Variants in C8orf34 observed in about 807,000 individuals in gnomAD.
C8orf34 encodes the protein uncharacterized protein C8orf34.
In C8orf34, 65 loss-of-function variants were observed where a neutral mutation model predicts 68.3. That is an observed-to-expected ratio of 0.95 (90% CI 0.78 to 1.17). C8orf34 has a LOEUF of 1.17. Ranked by LOEUF, C8orf34 falls within the 50% of genes most tolerant of loss-of-function variation. C8orf34 has a pLI of 0.00. For synonymous variants in C8orf34, 244 were observed against 241.2 expected (o/e 1.01, Z -0.11); for missense variants, 664 against 655.4 (o/e 1.01, Z -0.14).
At chr8:68,542,546 T>C (rs947887055) in intron 7 of C8orf34, among the ~76,000 whole-genome samples, 4 of 152,164 alleles carry the variant, frequency 2.6e-5, no homozygotes, top group African/African-American at 7.2e-5. Context: ...GCATCTTTTA[T>C]AGAAAGTAGT....
rs1195412158 is a variant in C8orf34, at chr8:68,417,728, G to C, written c.328-21771G>C. Among the ~76,000 whole-genome samples the C allele has an allele frequency of 2.6e-5, 4 of 152,142 alleles. No homozygotes were observed. The East Asian group carries it at 7.7e-4, about 29-fold the overall frequency. ...TGTTCAGTTTGAAGTCAGGTAGTGT[G>C]ATGCCTCCAGCTTTGTTCTTTTGGC... On this transcript the variant is annotated intron_variant, in intron 1 of 13. Coordinates refer to ENST00000518698, the MANE Select transcript of C8orf34 (RefSeq NM_052958.4).
At chr8:68,641,744 G>A (rs1036261783) in intron 8 of C8orf34, among the ~76,000 whole-genome samples, 5 of 152,114 alleles carry the variant, frequency 3.3e-5, no homozygotes, top group Non-Finnish European at 7.4e-5. Context: ...TATAAAAAAT[G>A]TTTTTCTAAT....
intron 3 of C8orf34, among the ~76,000 whole-genome samples, chr8:68,463,615 T>G (rs1047809481): frequency 6.6e-5 from 10 of 152,182 alleles, no homozygotes; most frequent in Non-Finnish European, 1.2e-4. Flanking sequence ...GCTTCATCCC[T>G]GGGATGCAAG....
upstream of C8orf34, chr8:68,330,911 G>C: frequency 1.0e-6 from 1 of 987,204 alleles, no homozygotes; most frequent in Non-Finnish European, 1.4e-6. Flanking sequence ...GATTCCTGCT[G>C]CTGCCGCCCA....
intron 7 of C8orf34, among the ~76,000 whole-genome samples, chr8:68,636,651 C>T (rs28506939): frequency 0.023 from 3,513 of 151,956 alleles, 141 homozygotes; most frequent in African/African-American, 0.079. Context: ...CTCTTTTTTG[C>T]CAAAAGGATG....
At chr8:68,744,159 C>T (rs1468567166) in intron 10 of C8orf34, among the ~76,000 whole-genome samples, 1 of 152,204 alleles carries the variant, frequency 6.6e-6, no homozygotes, top group Non-Finnish European at 1.5e-5. Context: ...TCCAACAGAC[C>T]TTCAGCTGAG....
intron 10 of C8orf34, among the ~76,000 whole-genome samples, chr8:68,754,743 G>T (rs1822802785): frequency 6.6e-6 from 1 of 152,164 alleles, no homozygotes; most frequent in African/African-American, 2.4e-5. Flanking sequence ...GGTGACATGG[G>T]TATCATAGTC....
chr8:68,436,369 ATT>A (rs1810667555), intron 1 of C8orf34, among the ~76,000 whole-genome samples: 1 of 152,144 alleles, frequency 6.6e-6, no homozygotes, highest in Admixed American at 6.5e-5. Context: ...CTGCTAATAT[ATT>A]TTGTTTGCGA....
At chr8:68,700,386 G>A (rs956210803) in intron 8 of C8orf34, among the ~76,000 whole-genome samples, 5 of 152,058 alleles carry the variant, frequency 3.3e-5, no homozygotes, top group African/African-American at 1.2e-4. Context: ...AGCGAAGAGC[G>A]AGACGGAGTT....
At chr8:68,636,213 TC>T (rs1818836377) in intron 7 of C8orf34, among the ~76,000 whole-genome samples, 1 of 152,018 alleles carries the variant, frequency 6.6e-6, no homozygotes, top group Non-Finnish European at 1.5e-5. Flanking sequence ...GGGAAACTGA[TC>T]TTTATTGATG....
At chr8:68,379,914 C>G (rs1192469918) in intron 1 of C8orf34, among the ~76,000 whole-genome samples, 1 of 152,188 alleles carries the variant, frequency 6.6e-6, no homozygotes, top group Admixed American at 6.5e-5. Context: ...TGCAGTGGCA[C>G]AATTATGGCT....
At chr8:68,755,778 C>T (rs1822836388) in intron 10 of C8orf34, among the ~76,000 whole-genome samples, 1 of 152,160 alleles carries the variant, frequency 6.6e-6, no homozygotes, top group Non-Finnish European at 1.5e-5. Flanking sequence ...CTAAGAGTAA[C>T]TGGCCAGGCG....
At chr8:68,331,443 A>G in intron 1 of C8orf34, 104 bp downstream of exon 1, 1 of 1,300,372 alleles carries the variant, frequency 7.7e-7, no homozygotes, top group Admixed American at 2.0e-5. Flanking sequence ...AAGGAGGGCT[A>G]GAGAACCAAC....
At position 68,757,154 on chromosome 8, in the gene C8orf34, A is replaced by AT. The variant is rs201240952; in HGVS notation, c.1405-19235dup. Among the ~76,000 whole-genome samples, 649 of 149,946 alleles carry AT rather than the reference A, an allele frequency of 4.3e-3. 10 individuals are homozygous for AT. Among genetic ancestry groups the AT allele is most frequent in the African/African-American group, 0.014 (588 of 40,954 alleles). ...AAAGACACAACTTTAAAAATTATTTATTTTTTTTTTATGATCAGGATCCTT... is the reference window on the plus strand; with the variant it reads ...AAAGACACAACTTTAAAAATTATTTATTTTTTTTTTTATGATCAGGATCCTT... On this transcript the variant is annotated intron_variant, in intron 10 of 13. Coordinates refer to ENST00000518698, the MANE Select transcript of C8orf34 (RefSeq NM_052958.4).
At position 68,533,218 on chromosome 8, in the gene C8orf34, G is replaced by C. The variant is rs1815324470; in HGVS notation, c.1105+69G>C. 3 of 1,503,674 alleles carry C rather than the reference G, an allele frequency of 2.0e-6. No individual in the cohort carries two copies. The African/African-American group carries it at 4.3e-5, about 21-fold the overall frequency. The allele number at this position is 1,503,674 out of a possible 1,614,324, so 93.1% of individuals were successfully genotyped here. A position where few individuals can be genotyped will look rare whatever the true frequency, so the allele number is the denominator to read the frequency against. ...TGTAAAAAAAACGTGTGGTGATTAA[G>C]AGATTTTAAAAGTTTTGAATAGCCT... On this transcript the variant is annotated intron_variant, in intron 7 of 13. Transcript: ENST00000518698.
chr8:68,384,257 T>A (rs961607597), intron 1 of C8orf34, among the ~76,000 whole-genome samples: 1 of 152,188 alleles, frequency 6.6e-6, no homozygotes, highest in Non-Finnish European at 1.5e-5. Flanking sequence ...GAGAGTAAAA[T>A]GACAGCAACA....
At chr8:68,470,462 T>C (rs1812333826) in intron 4 of C8orf34, among the ~76,000 whole-genome samples, 1 of 152,140 alleles carries the variant, frequency 6.6e-6, no homozygotes, top group Non-Finnish European at 1.5e-5. Flanking sequence ...AAATTTTTAA[T>C]ATAGGGATTT....
At chr8:68,675,194 A>AAAAC (rs560791686) in intron 8 of C8orf34, among the ~76,000 whole-genome samples, 3 of 152,168 alleles carry the variant, frequency 2.0e-5, no homozygotes, top group African/African-American at 4.8e-5. Flanking sequence ...GTTAATAAAC[A>AAAAC]AAACAAACAA....
At chr8:68,702,677 A>T (rs1563618827) in intron 8 of C8orf34, among the ~76,000 whole-genome samples, 2 of 152,246 alleles carry the variant, frequency 1.3e-5, no homozygotes, top group East Asian at 3.9e-4. Context: ...AACATGAAAA[A>T]ATTGTTAATT....
Sources: allele counts gnomAD v4.1 joint callset (sites outside exome capture counted in the v4.1 genomes callset), GRCh38; gene constraint gnomAD v4.1.1; transcripts MANE v1.5; gene names NCBI Gene and HGNC (gene_info 2026-07-23, HGNC 2026-07-21).